The following NOL10 variants were observed in gnomAD, a reference collection of about 807,000 sequenced individuals.
The protein encoded by NOL10 is nucleolar protein 10.
A neutral mutation model predicts 103.5 loss-of-function variants in NOL10; 58 were observed. That is an observed-to-expected ratio of 0.56 (90% CI 0.45 to 0.70). The LOEUF is 0.70. NOL10 is among the 30% of genes least tolerant of loss of function. NOL10 has a pLI of 0.00. For missense variants in NOL10, 763 were observed against 807.3 expected, an observed-to-expected ratio of 0.95 and a Z score of 0.67; for synonymous variants, 287 against 282.5, an observed-to-expected ratio of 1.02 and a Z score of -0.16.
At chr2:10,681,834 T>C (rs916880779) in intron 3 of NOL10, 137 bp downstream of exon 3, 5 of 397,860 alleles carry the variant, frequency 1.3e-5, no homozygotes, top group African/African-American at 2.1e-5. Flanking sequence ...GGGTGTTTAC[T>C]ATACAATTTT....
chr2:10,588,438 A>G (rs1159898476), intron 19 of NOL10, among the ~76,000 whole-genome samples: 2 of 151,902 alleles, frequency 1.3e-5, no homozygotes, highest in African/African-American at 4.8e-5. Flanking sequence ...CTAGAATACT[A>G]CTCTTTTCGA....
chr2:10,614,022 C>T lies in NOL10; in HGVS notation c.1027-6711G>A, dbSNP rs373268337. On this transcript the variant is annotated intron_variant, in intron 13 of 20. Coordinates refer to ENST00000381685, the MANE Select transcript of NOL10 (RefSeq NM_024894.4). The stretch of plus-strand genomic sequence containing the variant: ...TCACCCAGGCTGAAGTGCAGTGCCA[C>T]GATCTCAGCTCACTGCAACCTCCGC... 4.8e-4 allele frequency among the ~76,000 whole-genome samples: 73 copies of T among 150,978 alleles called. 1 individual carries two copies. In the South Asian group the frequency reaches 7.6e-3, roughly 16 times the overall value.
At chr2:10,590,524 G>C (rs1363201492) in intron 17 of NOL10, among the ~76,000 whole-genome samples, 3 of 152,170 alleles carry the variant, frequency 2.0e-5, no homozygotes, top group Non-Finnish European at 4.4e-5. Context: ...TGGGATGCAG[G>C]AAGCTGGTGA....
In NOL10 at chr2:10,680,995, CTCAT is replaced by C. The variant is rs146446421; in HGVS notation, c.211+972_211+975del. ...GTTATAAGTGACCTTTCCTAAAACT[CTCAT>C]TCATTGTTAGTAGGAGTGCAAATGA... On this transcript the variant is annotated intron_variant, in intron 3 of 20. Coordinates refer to ENST00000381685, the MANE Select transcript of NOL10 (RefSeq NM_024894.4). 5.2e-4 allele frequency among the ~76,000 whole-genome samples: 79 copies of C among 152,274 alleles called. 2 individuals carry two copies. The East Asian group carries it at 0.014, about 26-fold the overall frequency.
At chr2:10,595,051 C>T (rs1675596663) in intron 17 of NOL10, among the ~76,000 whole-genome samples, 1 of 145,672 alleles carries the variant, frequency 6.9e-6, no homozygotes, top group African/African-American at 2.5e-5. Flanking sequence ...CACAATATAG[C>T]TTCCTTGGAA....
intron 19 of NOL10, among the ~76,000 whole-genome samples, chr2:10,586,314 T>C (rs1187415911): frequency 2.0e-5 from 3 of 151,922 alleles, no homozygotes; most frequent in Admixed American, 6.5e-5. Context: ...GCAGATGAAT[T>C]GTATGCTACA....
At chr2:10,619,469 A>T (rs13428060) in intron 13 of NOL10, among the ~76,000 whole-genome samples, 2,522 of 152,292 alleles carry the variant, frequency 0.017, 68 homozygotes, top group African/African-American at 0.058. Flanking sequence ...CTGTAGTTTA[A>T]GTGTGTGAAA....
At chr2:10,592,507 G>T (rs1363288297) in intron 17 of NOL10, among the ~76,000 whole-genome samples, 1 of 152,124 alleles carries the variant, frequency 6.6e-6, no homozygotes, top group Admixed American at 6.5e-5. Context: ...AGGGGGCTAT[G>T]ATGTAAATTT....
At chr2:10,636,420 C>CAAAAAAAAAAAA (rs70953327) in intron 13 of NOL10, among the ~76,000 whole-genome samples, 5 of 54,696 alleles carry the variant, frequency 9.1e-5, no homozygotes, top group South Asian at 1.0e-3. Flanking sequence ...TACAAAAAAC[C>CAAAAAAAAAAAA]AAAAAAAAAA....
intron 15 of NOL10, 92 bp downstream of exon 15, chr2:10,602,986 A>C (rs1169944314): frequency 2.4e-6 from 3 of 1,241,694 alleles, no homozygotes; most frequent in Non-Finnish European, 3.5e-6. Flanking sequence ...TACAAATCCT[A>C]TGTATGATTT....
At chr2:10,596,373 C>T (rs781292450) in intron 17 of NOL10, among the ~76,000 whole-genome samples, 10 of 151,864 alleles carry the variant, frequency 6.6e-5, no homozygotes, top group African/African-American at 1.9e-4. Context: ...TTATACAACT[C>T]GCCATAATAT....
At chr2:10,679,014 G>C (rs1681527852) in intron 3 of NOL10, among the ~76,000 whole-genome samples, 1 of 152,070 alleles carries the variant, frequency 6.6e-6, no homozygotes, top group African/African-American at 2.4e-5. Flanking sequence ...CTTGAGTCCA[G>C]GAGTTTGAGA....
intron 13 of NOL10, among the ~76,000 whole-genome samples, chr2:10,635,695 C>T (rs1218757797): frequency 6.6e-6 from 1 of 152,156 alleles, no homozygotes. Flanking sequence ...CTCACAAGGG[C>T]GGTGAGTGTA....
At chr2:10,639,148 C>T (rs1017568952) in intron 13 of NOL10, among the ~76,000 whole-genome samples, 4 of 151,342 alleles carry the variant, frequency 2.6e-5, no homozygotes, top group Non-Finnish European at 4.4e-5. Flanking sequence ...TTGGGCCAGG[C>T]GCGGTGGCTC....
At position 10,589,102 on chromosome 2, in the gene NOL10, G is replaced by T. The variant is rs1367473733; in HGVS notation, c.1785C>A (p.Ile595=). 2.5e-6 allele frequency: 4 copies of T among 1,613,892 alleles called. No homozygotes were observed. The highest frequency in any genetic ancestry group is 3.4e-6 in the Non-Finnish European group (4 of 1,179,902). The change falls in exon 19 of 21, where the codon ATC becomes ATA. Residue 595 remains isoleucine, a synonymous_variant. Transcript: ENST00000381685. ...QTVLKPQFYE[I]KAGEEFRSFK... is the part of the protein sequence containing the mutation. ...AGCTTCTAAATTCTTCTCCTGCTTT[G>T]ATCTCATAAAACTGGGGCTTTAGGA...
At chr2:10,587,094 T>TAC (rs1558270144) in intron 19 of NOL10, among the ~76,000 whole-genome samples, 4 of 39,544 alleles carry the variant, frequency 1.0e-4, no homozygotes, top group Admixed American at 2.5e-4. Context: ...TATACATATA[T>TAC]ATACACATAT....
chr2:10,648,042 C>T (rs1679202609), intron 12 of NOL10, among the ~76,000 whole-genome samples: 1 of 152,164 alleles, frequency 6.6e-6, no homozygotes, highest in Non-Finnish European at 1.5e-5. Context: ...ATCTGATGCA[C>T]ACCCAAGTCA....
intron 14 of NOL10, chr2:10,604,798 G>A (rs998646193): frequency 1.3e-5 from 2 of 152,168 alleles, no homozygotes; most frequent in African/African-American, 2.4e-5. Flanking sequence ...TTAACTCCAT[G>A]GATCACTAGT....
chr2:10,629,865 A>G (rs1445333954), intron 13 of NOL10, among the ~76,000 whole-genome samples: 1 of 152,254 alleles, frequency 6.6e-6, no homozygotes, highest in Non-Finnish European at 1.5e-5. Flanking sequence ...ATAAAAGTCC[A>G]TGCTCACACA....
Sources: gnomAD v4.1 joint callset for allele counts (sites outside exome capture counted in the v4.1 genomes callset) on GRCh38, gnomAD v4.1.1 for gene constraint, MANE v1.5 for transcripts, NCBI Gene and HGNC (gene_info 2026-07-23, HGNC 2026-07-21) for gene names.